Variants in TTLL11 observed in about 807,000 individuals in gnomAD.
TTLL11 encodes tubulin tyrosine ligase like 11, also known as tubulin polyglutamylase TTLL11.
In TTLL11, 42 loss-of-function variants were observed where a neutral mutation model predicts 51.7. The observed-to-expected ratio is 0.81, with a 90% confidence interval of 0.64 to 1.05. The LOEUF is 1.05. Ranked by LOEUF, TTLL11 falls within the 50% of genes least tolerant of loss-of-function variation. The pLI is 0.00. For missense variants in TTLL11, 799 were observed against 940.4 expected (o/e 0.85, Z 1.97); for synonymous variants, 381 against 383.5 (o/e 0.99, Z 0.08).
chr9:121,892,369 TG>T (rs796882769), intron 6 of TTLL11, among the ~76,000 whole-genome samples: 3 of 151,818 alleles, frequency 2.0e-5, no homozygotes, highest in African/African-American at 4.8e-5. Flanking sequence ...CAATTCCACA[TG>T]GGGGGGTGCT....
rs189785436 is a variant in TTLL11 at position 121,886,729 on chromosome 9, G to A, written c.1482-15981C>T. ...AACCTAGGTACCCTTGGGGGTTACT[G>A]TGAGATCATGTAACTGGAAGCAACT... is the stretch of plus-strand genomic sequence containing the variant. On this transcript the variant is annotated intron_variant, in intron 6 of 8. Transcript: ENST00000321582. 2.6e-5 allele frequency among the ~76,000 whole-genome samples: 4 copies of A among 152,332 alleles called. No homozygotes were observed. The East Asian group carries it at 7.7e-4, about 29-fold the overall frequency.
intron 8 of TTLL11, among the ~76,000 whole-genome samples, chr9:121,852,956 AG>A (rs1275075474): frequency 6.6e-6 from 1 of 152,158 alleles, no homozygotes; most frequent in Non-Finnish European, 1.5e-5. Flanking sequence ...TTTCAGGGGG[AG>A]GGGGCAAGCC....
intron 6 of TTLL11, among the ~76,000 whole-genome samples, chr9:121,886,933 C>T (rs1367230856): frequency 2.0e-5 from 3 of 152,194 alleles, no homozygotes; most frequent in Admixed American, 1.3e-4. Flanking sequence ...AAGGAGGAGC[C>T]ACAGGGAGTA....
intron 8 of TTLL11, among the ~76,000 whole-genome samples, chr9:121,828,961 A>ATT (rs533752030): frequency 1.0e-3 from 150 of 143,208 alleles, no homozygotes; most frequent in Middle Eastern, 3.7e-3. Flanking sequence ...AAGACCCTGT[A>ATT]TTTTTTTTTT....
intron 6 of TTLL11, among the ~76,000 whole-genome samples, chr9:121,895,819 TTGTGTATG>T (rs1265764526): frequency 2.2e-4 from 2 of 8,948 alleles, no homozygotes; most frequent in South Asian, 2.4e-3. Flanking sequence ...TTTTGTGTGT[TTGTGTATG>T]TGTGTATGTG....
intron 3 of TTLL11, among the ~76,000 whole-genome samples, chr9:122,000,056 T>C (rs1280384195): frequency 6.6e-6 from 1 of 152,206 alleles, no homozygotes; most frequent in Non-Finnish European, 1.5e-5. Flanking sequence ...CCAGAGCCAC[T>C]CCATCTTAAA....
At chr9:121,974,539 T>C (rs1425253620) in intron 5 of TTLL11, among the ~76,000 whole-genome samples, 1 of 152,096 alleles carries the variant, frequency 6.6e-6, no homozygotes, top group Non-Finnish European at 1.5e-5. Flanking sequence ...ATCTTAGTGA[T>C]TCAAGTATGT....
chr9:122,010,750 T>C (rs1394341050), intron 3 of TTLL11, among the ~76,000 whole-genome samples: 1 of 152,240 alleles, frequency 6.6e-6, no homozygotes, highest in Non-Finnish European at 1.5e-5. Context: ...AATAGGTTAT[T>C]TCCAAGGTAA....
intron 6 of TTLL11, among the ~76,000 whole-genome samples, chr9:121,891,699 G>C (rs577353909): frequency 2.6e-5 from 4 of 152,212 alleles, no homozygotes; most frequent in Admixed American, 2.6e-4. Flanking sequence ...AGGACCAACT[G>C]TGCTGATCCC....
intron 1 of TTLL11, among the ~76,000 whole-genome samples, chr9:122,043,042 C>T (rs1313294624): frequency 6.6e-6 from 1 of 152,020 alleles, no homozygotes; most frequent in Non-Finnish European, 1.5e-5. Context: ...TTTCAAAACC[C>T]ATAGAATAGC....
At chr9:122,013,766 T>G (rs1843885583) in intron 3 of TTLL11, among the ~76,000 whole-genome samples, 1 of 152,138 alleles carries the variant, frequency 6.6e-6, no homozygotes, top group Admixed American at 6.5e-5. Context: ...TTGGCTGTGA[T>G]GCTGAGCCCC....
chr9:121,907,269 G>C (rs1026074672), intron 6 of TTLL11, among the ~76,000 whole-genome samples: 4 of 151,934 alleles, frequency 2.6e-5, no homozygotes, highest in African/African-American at 9.7e-5. Context: ...GACCAACATG[G>C]TGAAACCCCT....
intron 1 of TTLL11, among the ~76,000 whole-genome samples, chr9:122,089,391 C>A (rs980316346): frequency 6.6e-6 from 1 of 152,138 alleles, no homozygotes; most frequent in Non-Finnish European, 1.5e-5. Flanking sequence ...CACCTCATAA[C>A]AGATGGGGAA....
At chr9:122,088,086 G>A (rs10121679) in intron 1 of TTLL11, among the ~76,000 whole-genome samples, 13,421 of 152,180 alleles carry the variant, frequency 0.088, 1,009 homozygotes, top group African/African-American at 0.21. Flanking sequence ...AAGGGAGGCC[G>A]GGTCTATATA....
At chr9:121,850,967 G>A (rs984163974) in intron 8 of TTLL11, among the ~76,000 whole-genome samples, 3 of 152,226 alleles carry the variant, frequency 2.0e-5, no homozygotes, top group East Asian at 3.9e-4. Flanking sequence ...GTGAATAGAC[G>A]AACAAACTGT....
In TTLL11 at chr9:121,853,574, G is replaced by A. The variant is rs555079686; in HGVS notation, c.1840+6763C>T. Among the ~76,000 whole-genome samples, 4 of 152,256 alleles carry A rather than the reference G, an allele frequency of 2.6e-5. No homozygotes were observed. The highest frequency in any genetic ancestry group is 2.1e-4 in the South Asian group (1 of 4,814). ...TCCAGCTCTCAAGGCCCTGAAATGC[G>A]CCAATGTCCTCCCCTGGGGTTGGAA... On this transcript the variant is annotated intron_variant, in intron 8 of 8. Transcript: ENST00000321582. The surrounding 1 kb of genome is among the most constrained non-coding windows in gnomAD (Gnocchi z 5.6).
intron 1 of TTLL11, among the ~76,000 whole-genome samples, chr9:122,059,611 A>G (rs1313085038): frequency 1.3e-5 from 2 of 151,784 alleles, no homozygotes; most frequent in Non-Finnish European, 2.9e-5. Context: ...TGTGATTCAG[A>G]AAAAAAATGT....
chr9:122,039,193 CT>C, intron 2 of TTLL11, 78 bp downstream of exon 2: 1 of 1,187,238 alleles, frequency 8.4e-7, no homozygotes, highest in Admixed American at 1.9e-5. Flanking sequence ...TCAAAAATAA[CT>C]GTCATGTTTT....
chr9:121,942,418 T>C (rs1342135162), intron 6 of TTLL11, among the ~76,000 whole-genome samples: 1 of 152,178 alleles, frequency 6.6e-6, no homozygotes, highest in Non-Finnish European at 1.5e-5. Context: ...TGCTCACTTG[T>C]GTATTTTATG....
Sources: allele counts gnomAD v4.1 joint callset (sites outside exome capture counted in the v4.1 genomes callset), GRCh38; gene constraint gnomAD v4.1.1; non-coding constraint Gnocchi (gnomAD v3.1); transcripts MANE v1.5; gene names NCBI Gene and HGNC (gene_info 2026-07-23, HGNC 2026-07-21).